Variants in DMD observed in about 807,000 individuals in gnomAD.
DMD encodes mutant dystrophin.
DMD carries 63 observed loss-of-function variants against 330.1 expected under a neutral mutation model. The ratio of observed to expected loss-of-function variants is 0.19; its 90% confidence interval spans 0.16 to 0.24. DMD has a LOEUF of 0.24. DMD is among the 10% of genes least tolerant of loss of function. The pLI, the probability that DMD is intolerant of heterozygous loss-of-function variation, is 1.00. For missense variants in DMD, 3,344 were observed against 2,684.1 expected (o/e 1.25, Z -5.43); for synonymous variants, 1,223 against 959.8 (o/e 1.27, Z -5.07).
At chrX:32,280,061 T>TG (rs1184378652) in intron 43 of DMD, among the ~76,000 whole-genome samples, 2 of 84,244 alleles carry the variant, frequency 2.4e-5, no homozygotes, top group Non-Finnish European at 4.8e-5. Context: ...ACTATGTATG[T>TG]GTGTATATAC....
intron 55 of DMD, among the ~76,000 whole-genome samples, chrX:31,547,360 T>C (rs1265543574): frequency 1.4e-4 from 16 of 111,941 alleles, no homozygotes; most frequent in African/African-American, 4.5e-4. Context: ...GTGGCAATAG[T>C]TGGAGGTGGA....
chrX:32,473,191 A>T (rs1223933756), intron 21 of DMD, among the ~76,000 whole-genome samples: 2 of 111,371 alleles, frequency 1.8e-5, no homozygotes, highest in Admixed American at 9.6e-5. Context: ...GATAATCCAA[A>T]AGAAATTCTA....
chrX:31,486,025 C>T (rs2068775304), intron 57 of DMD, among the ~76,000 whole-genome samples: 2 of 112,209 alleles, frequency 1.8e-5, no homozygotes, highest in Admixed American at 9.4e-5. Context: ...AGGTGATAAA[C>T]TCTTCCTGCT....
At chrX:31,163,532 C>G (rs896597548) in intron 74 of DMD, among the ~76,000 whole-genome samples, 5 of 112,144 alleles carry the variant, frequency 4.5e-5, no homozygotes, top group Non-Finnish European at 7.5e-5. Context: ...CCTCTCCACT[C>G]CAACTTTAAA....
intron 47 of DMD, among the ~76,000 whole-genome samples, chrX:31,884,428 T>C (rs776769766): frequency 1.5e-4 from 17 of 111,481 alleles, no homozygotes; most frequent in African/African-American, 5.5e-4. Context: ...TTCACTTATA[T>C]GTGAAATCTA....
chrX:32,631,432 C>T (rs2058721385), intron 11 of DMD, among the ~76,000 whole-genome samples: 1 of 111,807 alleles, frequency 8.9e-6, no homozygotes, highest in Non-Finnish European at 1.9e-5. Flanking sequence ...CAATTTTTCC[C>T]TGGTGGGTTT....
At chrX:32,442,500 C>T (rs941921035) in intron 27 of DMD, among the ~76,000 whole-genome samples, 14 of 110,673 alleles carry the variant, frequency 1.3e-4, no homozygotes, top group Non-Finnish European at 2.7e-4. Flanking sequence ...GACAATTCCA[C>T]GTGTGAGAGA....
intron 43 of DMD, among the ~76,000 whole-genome samples, chrX:32,244,052 C>T (rs2097220244): frequency 2.0e-5 from 2 of 100,650 alleles, no homozygotes; most frequent in South Asian, 1.1e-3. Flanking sequence ...TGCGCTGCAC[C>T]CACTAACTCG....
chrX:32,739,938 T>C (rs2069018023), intron 7 of DMD, among the ~76,000 whole-genome samples: 1 of 110,386 alleles, frequency 9.1e-6, no homozygotes, highest in Admixed American at 9.8e-5. Context: ...TTGAGAACCC[T>C]TGTTTTAAGG....
chrX:32,408,538 C>G (rs1455999790), intron 30 of DMD, among the ~76,000 whole-genome samples: 1 of 111,470 alleles, frequency 9.0e-6, no homozygotes, highest in East Asian at 2.8e-4. Context: ...AAAAATAATG[C>G]TCTAAAAGAT....
intron 49 of DMD, among the ~76,000 whole-genome samples, chrX:31,824,791 A>G (rs911740175): frequency 9.9e-5 from 11 of 111,445 alleles, no homozygotes; most frequent in Non-Finnish European, 2.1e-4. Context: ...AACTGTGCTA[A>G]GAACAAAAGA....
intron 60 of DMD, among the ~76,000 whole-genome samples, chrX:31,384,358 A>G (rs752726660): frequency 1.1e-5 from 1 of 90,680 alleles, no homozygotes; most frequent in East Asian, 3.6e-4. Context: ...TACTACTACT[A>G]CTACTTTAGC....
intron 1 of DMD, among the ~76,000 whole-genome samples, chrX:33,076,728 C>A (rs1889907957): frequency 8.9e-6 from 1 of 111,778 alleles, no homozygotes; most frequent in South Asian, 3.8e-4. Context: ...AAAATGAAAG[C>A]TTTACTAGGT....
chrX:31,974,015 T>G (rs2095418289), intron 44 of DMD, among the ~76,000 whole-genome samples: 1 of 111,861 alleles, frequency 8.9e-6, no homozygotes, highest in South Asian at 3.7e-4. Flanking sequence ...ATCCATCTAG[T>G]TGTGAAACAA....
At chrX:32,136,739 C>T (rs981411323) in intron 44 of DMD, among the ~76,000 whole-genome samples, 27 of 111,225 alleles carry the variant, frequency 2.4e-4, no homozygotes, top group Admixed American at 3.8e-4. Flanking sequence ...TCTAATCCAC[C>T]GATGGATGAA....
At chrX:33,229,759 C>T (rs1408862126) in intron 1 of DMD, among the ~76,000 whole-genome samples, 2 of 111,327 alleles carry the variant, frequency 1.8e-5, no homozygotes, top group Non-Finnish European at 3.8e-5. Context: ...TGTACTTTTC[C>T]GTATAAATTT....
chrX:31,207,627 A>T (rs1459628331), intron 65 of DMD, among the ~76,000 whole-genome samples: 1 of 111,678 alleles, frequency 9.0e-6, no homozygotes, highest in African/African-American at 3.3e-5. Flanking sequence ...GCAGAAACAG[A>T]AAAGTAAATA....
intron 41 of DMD, among the ~76,000 whole-genome samples, chrX:32,332,474 TG>T (rs1169778520): frequency 3.9e-5 from 4 of 102,276 alleles, no homozygotes; most frequent in Non-Finnish European, 7.9e-5. Context: ...AAAGATTCAT[TG>T]AAAAAAACAC....
chrX:32,068,052 C>T (rs1185150755), intron 44 of DMD, among the ~76,000 whole-genome samples: 2 of 111,634 alleles, frequency 1.8e-5, no homozygotes, highest in African/African-American at 3.3e-5. Flanking sequence ...GCCAGTCTGA[C>T]GGGTGTGAGA....
Sources: allele counts gnomAD v4.1 joint callset (sites outside exome capture counted in the v4.1 genomes callset), GRCh38; gene constraint gnomAD v4.1.1; transcripts MANE v1.5; gene names NCBI Gene and HGNC (gene_info 2026-07-23, HGNC 2026-07-21).